ELF2: variants seen among roughly 807,000 people sequenced by gnomAD.
The protein encoded by ELF2 is ETS-related transcription factor Elf-2.
A neutral mutation model predicts 54.8 loss-of-function variants in ELF2; 11 were observed. That is an observed-to-expected ratio of 0.20 (90% CI 0.13 to 0.33). The LOEUF is 0.33. Ranked by LOEUF, ELF2 falls within the 10% of genes least tolerant of loss-of-function variation. The pLI, the probability that ELF2 is intolerant of heterozygous loss-of-function variation, is 1.00. For missense variants in ELF2, 513 were observed against 703.0 expected (o/e 0.73, Z 3.06); for synonymous variants, 203 against 245.1 (o/e 0.83, Z 1.61).
At chr4:139,140,979 G>A (rs1445878183) in intron 1 of ELF2, among the ~76,000 whole-genome samples, 15 of 152,006 alleles carry the variant, frequency 9.9e-5, no homozygotes, top group Non-Finnish European at 2.9e-5. Context: ...AGAATCCAAT[G>A]GATACATTTC....
rs58185505 is a variant in ELF2 at position 139,174,599 on chromosome 4, C to CAA, written c.-252+2366_-252+2367dup. The stretch of plus-strand genomic sequence containing the variant: ...CAATCAATGAGGTACAGAAACTACT[C>CAA]AAAAAAAAATTATGTCTGTAAATGA... On this transcript the variant is annotated intron_variant, in intron 1 of 9. Coordinates refer to ENST00000686138, the MANE Select transcript of ELF2 (RefSeq NM_001331036.3). Among the ~76,000 whole-genome samples the CAA allele has an allele frequency of 3.0e-3, 448 of 151,062 alleles. 1 individual carries two copies. The highest frequency in any genetic ancestry group is 4.8e-3 in the Non-Finnish European group (326 of 67,766).
chr4:139,083,860 C>T (rs1731546436), intron 4 of ELF2, among the ~76,000 whole-genome samples: 1 of 152,242 alleles, frequency 6.6e-6, no homozygotes, highest in African/African-American at 2.4e-5. Flanking sequence ...CACCCGCTGC[C>T]AGCGCTCAGC....
intron 6 of ELF2, among the ~76,000 whole-genome samples, chr4:139,069,999 C>G (rs1409106720): frequency 6.6e-6 from 1 of 151,244 alleles, no homozygotes; most frequent in Non-Finnish European, 1.5e-5. Flanking sequence ...TGCCACCATA[C>G]CTGGCTAATT....
At position 139,066,009 on chromosome 4, in the gene ELF2, C is replaced by CTTTTTTTT. The variant is rs372715360; in HGVS notation, c.613+1667_613+1674dup. The CTTTTTTTT allele has an allele frequency of 1.7e-3, 184 of 105,662 alleles. 5 individuals are homozygous for CTTTTTTTT. The highest frequency in any genetic ancestry group is 6.4e-3 in the African/African-American group (177 of 27,562). 6.5% of individuals were successfully genotyped at this position (105,662 alleles called of 1,614,324 possible). ...AGTTCCTGAATGTGTTCAATGTCAC[C>CTTTTTTTT]TTTTTTTTTTTTTTTTTTTTTTTTG... On this transcript the variant is annotated intron_variant, in intron 7 of 9. Coordinates refer to ENST00000686138, the MANE Select transcript of ELF2 (RefSeq NM_001331036.3).
Position 139,071,911 on chromosome 4 carries a change from T to C in ELF2, c.481A>G (p.Ile161Val), listed in dbSNP as rs139085110. ...TCATGGCTATCTGGTGATGTTGGAA[T>C]AGGAGAGGTATCCATGGGTTCAGAC... ...EESEPMDTSPIPTSPDSHEPM... is the reference protein window; with the variant it reads ...EESEPMDTSPVPTSPDSHEPM... The change falls in exon 6 of 10, where the codon ATT (isoleucine) becomes GTT (valine). Residue 161 changes from isoleucine (I) to valine (V), a missense_variant. Transcript: ENST00000686138. 7.4e-6 allele frequency: 12 copies of C among 1,611,818 alleles called. No homozygotes were observed. In the African/African-American group the frequency reaches 1.2e-4, roughly 16 times the overall value.
chr4:139,081,067 G>A (rs1560783447), intron 4 of ELF2, among the ~76,000 whole-genome samples: 1 of 151,896 alleles, frequency 6.6e-6, no homozygotes, highest in Non-Finnish European at 1.5e-5. Flanking sequence ...AGAGAAAAAT[G>A]AAGCCCTAAA....
chr4:139,081,989 C>T (rs1259784688), intron 4 of ELF2, among the ~76,000 whole-genome samples: 3 of 151,874 alleles, frequency 2.0e-5, no homozygotes, highest in African/African-American at 7.3e-5. Flanking sequence ...TTTTTAAAAC[C>T]CCTTATCAAA....
At chr4:139,156,927 C>A (rs1275342194) in intron 1 of ELF2, among the ~76,000 whole-genome samples, 1 of 152,308 alleles carries the variant, frequency 6.6e-6, no homozygotes, top group South Asian at 2.1e-4. Context: ...AGCCACCACA[C>A]CCAGCCTTAA....
At chr4:139,120,002 G>C (rs538486540) in intron 4 of ELF2, among the ~76,000 whole-genome samples, 70 of 152,204 alleles carry the variant, frequency 4.6e-4, no homozygotes, top group African/African-American at 1.6e-3. Context: ...TCGAACTTCT[G>C]ACCTTAAGTG....
intron 1 of ELF2, among the ~76,000 whole-genome samples, chr4:139,150,737 AG>A (rs1369361405): frequency 6.6e-6 from 1 of 151,786 alleles, no homozygotes; most frequent in Non-Finnish European, 1.5e-5. Flanking sequence ...TGAAAAAGAG[AG>A]CTAGCTGGGT....
Position 139,084,429 on chromosome 4 carries a change from CAGGGGCAGG to C in ELF2, c.239-10871_239-10863del, listed in dbSNP as rs1243918515. 1.0e-3 allele frequency: 1,264 copies of C among 1,214,434 alleles called. 2 individuals carry two copies. Among genetic ancestry groups the C allele is most frequent in the Non-Finnish European group, 1.2e-3 (1,188 of 980,162 alleles). 75.2% of individuals were successfully genotyped at this position (1,214,434 alleles called of 1,614,324 possible). On this transcript the variant is annotated intron_variant, in intron 4 of 9. Coordinates refer to ENST00000686138, the MANE Select transcript of ELF2 (RefSeq NM_001331036.3). ...CACCTAACGGCAGGGGCAGGGGCGG[CAGGGGCAGG>C]GGCGGCGGCGGCGGCGGCGGCGGCT...
chr4:139,156,062 C>T (rs866195823), intron 1 of ELF2, among the ~76,000 whole-genome samples: 1 of 152,176 alleles, frequency 6.6e-6, no homozygotes, highest in Admixed American at 6.5e-5. Flanking sequence ...CTTTTCATTT[C>T]AAGAGTCTCA....
Position 139,060,680 on chromosome 4 carries a change from AG to A in ELF2, c.807-7del. On this transcript the variant is annotated splice_polypyrimidine_tract_variant and splice_region_variant and intron_variant, in intron 8 of 9. Coordinates refer to ENST00000686138, the MANE Select transcript of ELF2 (RefSeq NM_001331036.3). ...TTCCCCTTTGGTAGTAGTATCTGTA[AG>A]GGGAAAATGTACCAAATGAATCAAG... 6.4e-7 allele frequency: 1 copy of A among 1,569,476 alleles called. No homozygotes were observed. The highest frequency in any genetic ancestry group is 8.6e-7 in the Non-Finnish European group (1 of 1,159,372).
intron 1 of ELF2, among the ~76,000 whole-genome samples, chr4:139,158,265 G>A (rs554510143): frequency 4.6e-5 from 7 of 152,316 alleles, no homozygotes; most frequent in East Asian, 3.9e-4. Context: ...GGCAGGAACA[G>A]GCCATTTTCA....
At chr4:139,174,702 G>T (rs746453121) in intron 1 of ELF2, among the ~76,000 whole-genome samples, 5 of 152,138 alleles carry the variant, frequency 3.3e-5, no homozygotes, top group Non-Finnish European at 5.9e-5. Context: ...CATCCACATT[G>T]TATTAGGTAG....
chr4:139,132,858 ATATAT>A (rs1737660272), intron 3 of ELF2, among the ~76,000 whole-genome samples: 1 of 138,476 alleles, frequency 7.2e-6, no homozygotes, highest in Non-Finnish European at 1.5e-5. Flanking sequence ...ATATATATAT[ATATAT>A]ATATATATAT....
At chr4:139,151,032 A>AAAAGAAAG (rs71600182) in intron 1 of ELF2, among the ~76,000 whole-genome samples, 5,962 of 102,370 alleles carry the variant, frequency 0.058, 328 homozygotes, top group African/African-American at 0.074. Context: ...TCAAAAAAAA[A>AAAAGAAAG]AAAGAAAGAA....
chr4:139,132,076 G>A (rs535265830), intron 3 of ELF2, among the ~76,000 whole-genome samples: 5 of 152,144 alleles, frequency 3.3e-5, no homozygotes, highest in African/African-American at 7.2e-5. Context: ...AGAGAGGTGA[G>A]CAGACAAAAG....
chr4:139,091,928 T>C (rs1046365325), intron 4 of ELF2, among the ~76,000 whole-genome samples: 4 of 148,940 alleles, frequency 2.7e-5, no homozygotes, highest in Non-Finnish European at 5.9e-5. Flanking sequence ...TATACACACA[T>C]ATATATACAC....
Sources: gnomAD v4.1 joint callset for allele counts (sites outside exome capture counted in the v4.1 genomes callset) on GRCh38, gnomAD v4.1.1 for gene constraint, MANE v1.5 for transcripts, NCBI Gene and HGNC (gene_info 2026-07-23, HGNC 2026-07-21) for gene names.